Variants in CASK observed in about 807,000 individuals in gnomAD.
The protein encoded by CASK is peripheral plasma membrane protein CASK.
In CASK, 4 loss-of-function variants were observed where a neutral mutation model predicts 82.9. That is an observed-to-expected ratio of 0.05 (90% CI 0.02 to 0.11). The LOEUF (loss-of-function observed/expected upper bound fraction) is 0.11, where lower values mean the gene tolerates loss of function less well. CASK is among the 10% of genes least tolerant of loss of function. The pLI is 1.00. For missense variants in CASK, 358 were observed against 720.9 expected, an observed-to-expected ratio of 0.50 and a Z score of 5.76; for synonymous variants, 259 against 253.5, an observed-to-expected ratio of 1.02 and a Z score of -0.20.
intron 11 of CASK, among the ~76,000 whole-genome samples, chrX:41,612,579 G>A (rs1245927847): frequency 3.7e-4 from 38 of 101,948 alleles, no homozygotes; most frequent in African/African-American, 1.3e-3. Context: ...GGTGAGGGGC[G>A]CCTCTGCCCA....
chrX:41,699,714 A>C (rs1002088628), intron 5 of CASK, among the ~76,000 whole-genome samples: 1 of 111,110 alleles, frequency 9.0e-6, no homozygotes, highest in African/African-American at 3.3e-5. Flanking sequence ...AATTATTGCT[A>C]TATTATTTGG....
chrX:41,876,324 C>G (rs1024361345), intron 1 of CASK, among the ~76,000 whole-genome samples: 3 of 111,460 alleles, frequency 2.7e-5, no homozygotes, highest in Non-Finnish European at 5.7e-5. Flanking sequence ...AGTTAAATAA[C>G]TTGGCTATAG....
chrX:41,544,609 G>A (rs1423216168), intron 21 of CASK, among the ~76,000 whole-genome samples: 1 of 107,771 alleles, frequency 9.3e-6, no homozygotes, highest in East Asian at 2.9e-4. Context: ...CCTTAGCAGG[G>A]GATTTCCCAA....
At chrX:41,894,918 A>G (rs2072246585) in intron 1 of CASK, among the ~76,000 whole-genome samples, 1 of 112,238 alleles carries the variant, frequency 8.9e-6, no homozygotes, top group African/African-American at 3.2e-5. Context: ...TGAATTATCT[A>G]ATTTATGTAC....
intron 3 of CASK, among the ~76,000 whole-genome samples, chrX:41,764,911 C>T (rs1569439141): frequency 8.9e-6 from 1 of 112,449 alleles, no homozygotes; most frequent in African/African-American, 3.2e-5. Context: ...AAAGTCCCAT[C>T]AAAATCTTGC....
At chrX:41,569,628 A>G in intron 16 of CASK, 40 bp downstream of exon 16, 2 of 978,940 alleles carry the variant, frequency 2.0e-6, no homozygotes, top group East Asian at 6.1e-5. Context: ...AGGGAAAAAA[A>G]ATTAAGGAAG....
intron 2 of CASK, among the ~76,000 whole-genome samples, chrX:41,825,452 A>G (rs1420567742): frequency 2.7e-5 from 3 of 112,440 alleles, no homozygotes; most frequent in Non-Finnish European, 5.6e-5. Context: ...GAATGAAAGG[A>G]AAGACAAATA....
At chrX:41,613,904 T>C (rs767320902) in intron 11 of CASK, among the ~76,000 whole-genome samples, 1 of 112,225 alleles carries the variant, frequency 8.9e-6, no homozygotes. Flanking sequence ...TCTATTTAAT[T>C]ATGTTAAAGA....
intron 21 of CASK, 126 bp downstream of exon 21, chrX:41,553,593 T>C (rs763205147): frequency 1.9e-6 from 1 of 519,355 alleles, no homozygotes; most frequent in Non-Finnish European, 3.2e-6. Context: ...TTAAATTTTG[T>C]TTGGCTCGTA....
intron 1 of CASK, among the ~76,000 whole-genome samples, chrX:41,865,186 G>A (rs2071569239): frequency 9.0e-6 from 1 of 111,420 alleles, no homozygotes; most frequent in Admixed American, 9.5e-5. Flanking sequence ...CTCAGTCTCC[G>A]TAATGACTCC....
At chrX:41,696,941 A>G in intron 5 of CASK, 1 of 360,530 alleles carries the variant, frequency 2.8e-6, no homozygotes, top group Non-Finnish European at 4.9e-6. Context: ...TCAAGGTACT[A>G]ACTTTTAAAT....
At chrX:41,819,001 C>T (rs778084528) in intron 2 of CASK, among the ~76,000 whole-genome samples, 7 of 110,721 alleles carry the variant, frequency 6.3e-5, no homozygotes, top group Admixed American at 1.9e-4. Flanking sequence ...GAAGGAGCAC[C>T]AAAAGTACAA....
chrX:41,568,222 A>G (rs2065351770), intron 16 of CASK, among the ~76,000 whole-genome samples: 1 of 109,987 alleles, frequency 9.1e-6, no homozygotes, highest in Admixed American at 9.7e-5. Flanking sequence ...CATGTACCCT[A>G]GAAGTTAAAG....
intron 11 of CASK, among the ~76,000 whole-genome samples, chrX:41,612,474 A>G (rs1172465040): frequency 1.7e-4 from 14 of 82,100 alleles, no homozygotes; most frequent in Non-Finnish European, 3.1e-4. Context: ...CAGCCACCCC[A>G]TCTGGGAAGT....
chrX:41,680,100 T>TGAGGCAGTAGCTTCACTTG (rs2067325574), intron 5 of CASK, among the ~76,000 whole-genome samples: 1 of 109,116 alleles, frequency 9.2e-6, no homozygotes. Flanking sequence ...CTCGAGAGGC[T>TGAGGCAGTAGCTTCACTTG]GAGGCAGTAG....
Position 41,524,041 on chromosome X carries a change from T to G in CASK, c.2521-7A>C. ...TTCTCAGGACCTTCAGTGCCTGTGTTAAGAAAAAAAAAAAAAATCCCGACT... is the reference window on the plus strand; with the variant it reads ...TTCTCAGGACCTTCAGTGCCTGTGTGAAGAAAAAAAAAAAAAATCCCGACT... On this transcript the variant is annotated splice_region_variant and splice_polypyrimidine_tract_variant and intron_variant, in intron 25 of 26. Coordinates refer to ENST00000378163, the MANE Select transcript of CASK (RefSeq NM_001367721.1). The G allele has an allele frequency of 9.3e-7, 1 of 1,080,966 alleles. No homozygotes were observed. The highest frequency in any genetic ancestry group is 1.2e-6 in the Non-Finnish European group (1 of 803,430). 89.1% of individuals were successfully genotyped at this position (1,080,966 alleles called of 1,213,427 possible).
intron 2 of CASK, among the ~76,000 whole-genome samples, chrX:41,817,287 T>C (rs1471172320): frequency 8.9e-6 from 1 of 112,148 alleles, no homozygotes; most frequent in East Asian, 2.8e-4. Flanking sequence ...AACAATCTAA[T>C]GTTTTTTCTC....
At chrX:41,712,468 A>G (rs754114498) in intron 5 of CASK, among the ~76,000 whole-genome samples, 2 of 112,611 alleles carry the variant, frequency 1.8e-5, no homozygotes, top group South Asian at 7.3e-4. Flanking sequence ...TTACGATTGA[A>G]ACTGCCTTTG....
chrX:41,695,648 C>T, intron 5 of CASK: 3 of 1,193,974 alleles, frequency 2.5e-6, no homozygotes, highest in African/African-American at 1.7e-5. Context: ...GAAGTCATAC[C>T]ATAACAATGA....
Sources: allele counts gnomAD v4.1 joint callset (sites outside exome capture counted in the v4.1 genomes callset), GRCh38; gene constraint gnomAD v4.1.1; transcripts MANE v1.5; gene names NCBI Gene and HGNC (gene_info 2026-07-23, HGNC 2026-07-21).